Variants in WWC2 observed in about 807,000 individuals in gnomAD.
WWC2 encodes protein WWC2.
In WWC2, 101 loss-of-function variants were observed where a neutral mutation model predicts 138.5. The ratio of observed to expected loss-of-function variants is 0.73; its 90% confidence interval spans 0.62 to 0.86. The LOEUF is 0.86. Ranked by LOEUF, WWC2 falls within the 40% of genes least tolerant of loss-of-function variation. WWC2 has a pLI of 0.00. For missense variants in WWC2, 1,420 were observed against 1,419.4 expected (o/e 1.00, Z -0.01); for synonymous variants, 558 against 538.4 (o/e 1.04, Z -0.50).
chr4:183,273,384 A>T (rs1737755750), intron 16 of WWC2, among the ~76,000 whole-genome samples: 1 of 152,114 alleles, frequency 6.6e-6, no homozygotes, highest in Non-Finnish European at 1.5e-5. Context: ...GGCTAACCAC[A>T]ACCTCTCCCT....
At chr4:183,118,180 A>G (rs1732486011) in intron 1 of WWC2, among the ~76,000 whole-genome samples, 1 of 152,220 alleles carries the variant, frequency 6.6e-6, no homozygotes, top group South Asian at 2.1e-4. Flanking sequence ...GTCGATTGCC[A>G]CGTTATAGTT....
intron 8 of WWC2, among the ~76,000 whole-genome samples, chr4:183,252,056 C>T (rs1560867630): frequency 6.6e-6 from 1 of 152,116 alleles, no homozygotes; most frequent in Non-Finnish European, 1.5e-5. Flanking sequence ...ATCAGAAGTA[C>T]ACTGCATACA....
intron 9 of WWC2, among the ~76,000 whole-genome samples, chr4:183,255,861 TAGG>T (rs1436843229): frequency 6.6e-6 from 1 of 150,884 alleles, no homozygotes; most frequent in Non-Finnish European, 1.5e-5. Flanking sequence ...TCCAGTGAAA[TAGG>T]AGGCTTTTTT....
At chr4:183,121,840 C>T (rs1049185335) in intron 1 of WWC2, among the ~76,000 whole-genome samples, 5 of 143,294 alleles carry the variant, frequency 3.5e-5, no homozygotes, top group South Asian at 2.2e-4. Flanking sequence ...GGCTGGAGTG[C>T]GGTGGCACGA....
chr4:183,140,361 G>A (rs1049354184), intron 1 of WWC2, among the ~76,000 whole-genome samples: 5 of 152,072 alleles, frequency 3.3e-5, no homozygotes, highest in Non-Finnish European at 7.4e-5. Flanking sequence ...GATTCCTGTG[G>A]TGCCTTGCCC....
intron 16 of WWC2, among the ~76,000 whole-genome samples, chr4:183,275,851 T>G (rs574093439): frequency 6.6e-6 from 1 of 152,302 alleles, no homozygotes; most frequent in African/African-American, 2.4e-5. Flanking sequence ...AATTCTTCTG[T>G]AAACGTTTCA....
At chr4:183,258,048 A>G (rs1317818212) in intron 9 of WWC2, among the ~76,000 whole-genome samples, 1 of 152,208 alleles carries the variant, frequency 6.6e-6, no homozygotes, top group Non-Finnish European at 1.5e-5. Flanking sequence ...AGTGTGGCTC[A>G]GGGTCACATT....
intron 4 of WWC2, among the ~76,000 whole-genome samples, chr4:183,235,847 A>G (rs1736408104): frequency 6.6e-6 from 1 of 152,218 alleles, no homozygotes; most frequent in Non-Finnish European, 1.5e-5. Context: ...ATTTTTAAAA[A>G]AATTTAAATT....
At chr4:183,178,581 TAAA>T (rs75621020) in intron 1 of WWC2, among the ~76,000 whole-genome samples, 2 of 129,796 alleles carry the variant, frequency 1.5e-5, no homozygotes, top group Non-Finnish European at 1.7e-5. Flanking sequence ...CCAGTCTCTT[TAAA>T]AAAAAAAAAA....
intron 1 of WWC2, among the ~76,000 whole-genome samples, chr4:183,165,647 A>G (rs1734111163): frequency 6.6e-6 from 1 of 152,204 alleles, no homozygotes; most frequent in Non-Finnish European, 1.5e-5. Flanking sequence ...TCAGACTCAT[A>G]GCAAATAGGA....
At chr4:183,127,779 A>G (rs1015878737) in intron 1 of WWC2, among the ~76,000 whole-genome samples, 1 of 152,168 alleles carries the variant, frequency 6.6e-6, no homozygotes, top group Non-Finnish European at 1.5e-5. Context: ...AAAACATGAA[A>G]CTATAAAAAT....
Position 183,193,683 on chromosome 4 carries a change from T to C in WWC2, c.216T>C (p.Gly72=). The change falls in exon 2 of 23, where the codon GGT becomes GGC. Residue 72 remains glycine (G), a synonymous_variant. Coordinates refer to ENST00000403733, the MANE Select transcript of WWC2 (RefSeq NM_024949.6). ...AAGCAGGGTTTGACCCTCAGATTGGTGTCTACTACATCGATCACATCAACA... is the reference window on the plus strand; with the variant it reads ...AAGCAGGGTTTGACCCTCAGATTGGCGTCTACTACATCGATCACATCAACA... ...GWEAGFDPQI[G]VYYIDHINKT... is the part of the protein sequence containing the mutation. The C allele has an allele frequency of 1.2e-6, 2 of 1,613,832 alleles. No individual in the cohort carries two copies. The highest frequency in any genetic ancestry group is 2.2e-5 in the East Asian group (1 of 44,882).
chr4:183,099,680 G>A, intron 1 of WWC2, 58 bp downstream of exon 1: 2 of 1,185,858 alleles, frequency 1.7e-6, no homozygotes, highest in Non-Finnish European at 2.1e-6. Flanking sequence ...TTGTCCCGGA[G>A]ACCCGGCCGC....
intron 1 of WWC2, among the ~76,000 whole-genome samples, chr4:183,117,504 A>G (rs1732452371): frequency 6.6e-6 from 1 of 152,076 alleles, no homozygotes; most frequent in African/African-American, 2.4e-5. Flanking sequence ...TACAGGCATG[A>G]GCCACTGTGC....
chr4:183,230,059 A>G (rs1318260335), intron 4 of WWC2, among the ~76,000 whole-genome samples: 1 of 152,064 alleles, frequency 6.6e-6, no homozygotes, highest in East Asian at 1.9e-4. Context: ...CCCTGGGCTC[A>G]GGCAATCTTC....
At chr4:183,310,817 G>A (rs1464460408) in intron 21 of WWC2, among the ~76,000 whole-genome samples, 2 of 127,798 alleles carry the variant, frequency 1.6e-5, no homozygotes, top group Admixed American at 8.3e-5. Context: ...TCCTAGTACA[G>A]AGCCTGGCAT....
At chr4:183,125,140 C>T (rs751217548) in intron 1 of WWC2, among the ~76,000 whole-genome samples, 11 of 152,094 alleles carry the variant, frequency 7.2e-5, no homozygotes, top group Non-Finnish European at 1.2e-4. Flanking sequence ...GCCCGCAGTG[C>T]CTCAGGGATG....
At position 183,261,258 on chromosome 4, in the gene WWC2, C is replaced by T. The variant is rs1580121479; in HGVS notation, c.1635C>T (p.Ser545=). The T allele has an allele frequency of 6.2e-7, 1 of 1,613,252 alleles. No homozygotes were observed. The highest frequency in any genetic ancestry group is 2.2e-5 in the East Asian group (1 of 44,850). The part of the protein sequence containing the change: ...PLAEAPKSVA[S]LSSRSSLSSL... ...CTGAGGCCCCGAAGTCTGTGGCCTC[C>T]CTGTCCTCGAGGTCCTCCCTTTCCT... The change falls in exon 11 of 23, where the codon TCC becomes TCT. Residue 545 remains serine (S), a synonymous_variant. Coordinates refer to ENST00000403733, the MANE Select transcript of WWC2 (RefSeq NM_024949.6).
Position 183,263,872 on chromosome 4 carries a change from G to T in WWC2, c.1910-1106G>T, listed in dbSNP as rs189241907. ...TCAGGGACGTTTGTCATCTCCCTCA[G>T]TGCTCTAGAGGCTTAGGCAGGTAAA... On this transcript the variant is annotated intron_variant, in intron 11 of 22. Coordinates refer to ENST00000403733, the MANE Select transcript of WWC2 (RefSeq NM_024949.6). 2.4e-3 allele frequency among the ~76,000 whole-genome samples: 365 copies of T among 152,314 alleles called. 4 individuals are homozygous for T. The highest frequency in any genetic ancestry group is 8.4e-3 in the African/African-American group (351 of 41,560).
Sources: gnomAD v4.1 joint callset for allele counts (sites outside exome capture counted in the v4.1 genomes callset) on GRCh38, gnomAD v4.1.1 for gene constraint, MANE v1.5 for transcripts, NCBI Gene and HGNC (gene_info 2026-07-23, HGNC 2026-07-21) for gene names.